Variants in SORCS1 observed in about 807,000 individuals in gnomAD.
SORCS1 encodes sortilin related VPS10 domain containing receptor 1.
In SORCS1, 60 loss-of-function variants were observed where a neutral mutation model predicts 146.1. The observed-to-expected ratio is 0.41, with a 90% CI of 0.33 to 0.51. SORCS1 has a LOEUF of 0.51. Among genes scored for constraint, SORCS1 ranks in the 20% least tolerant of loss-of-function variants. The pLI, the probability that SORCS1 is intolerant of heterozygous loss-of-function variation, is 0.21. For missense variants in SORCS1, 1,352 were observed against 1,487.6 expected (o/e 0.91, Z 1.50); for synonymous variants, 637 against 584.0 (o/e 1.09, Z -1.31).
intron 1 of SORCS1, among the ~76,000 whole-genome samples, chr10:107,054,966 T>C (rs1960464098): frequency 6.6e-6 from 1 of 152,134 alleles, no homozygotes; most frequent in African/African-American, 2.4e-5. Context: ...TATTAGAACT[T>C]AGAAGAGCCC....
chr10:106,623,125 T>A (rs1460918478), intron 19 of SORCS1, among the ~76,000 whole-genome samples: 1 of 152,194 alleles, frequency 6.6e-6, no homozygotes, highest in Non-Finnish European at 1.5e-5. Flanking sequence ...TCTGTGACAT[T>A]CTTCCTGAGT....
Position 106,579,128 on chromosome 10 carries a change from G to A in SORCS1, c.3371+241C>T, listed in dbSNP as rs904792464. 4.3e-6 allele frequency: 7 copies of A among 1,613,932 alleles called. No homozygotes were observed. In the African/African-American group the frequency reaches 8.0e-5, roughly 18 times the overall value. On this transcript the variant is annotated intron_variant, in intron 25 of 25. Coordinates refer to ENST00000263054, the MANE Select transcript of SORCS1 (RefSeq NM_052918.5). ...ATTCCACCTTCTCATCTATAAGCTG[G>A]CCAGGCCTCCTTAGTTCAGTCTGAG... is the stretch of plus-strand genomic sequence containing the variant.
chr10:107,108,930 G>C (rs1965492229), intron 1 of SORCS1, among the ~76,000 whole-genome samples: 1 of 152,222 alleles, frequency 6.6e-6, no homozygotes. Context: ...ATGCAAGTTT[G>C]AAACCAGCAA....
At chr10:106,589,475 G>A (rs376084390) in intron 24 of SORCS1, among the ~76,000 whole-genome samples, 20 of 152,094 alleles carry the variant, frequency 1.3e-4, no homozygotes, top group African/African-American at 4.3e-4. Flanking sequence ...GATTTAAATC[G>A]GCAATTAAGG....
chr10:106,781,212 T>C (rs1315102190), intron 3 of SORCS1, among the ~76,000 whole-genome samples: 2 of 152,196 alleles, frequency 1.3e-5, no homozygotes, highest in East Asian at 3.8e-4. Flanking sequence ...TATGCTGTTC[T>C]TGGAATTCCA....
chr10:106,614,429 A>G (rs1847217163), intron 21 of SORCS1, among the ~76,000 whole-genome samples: 1 of 152,206 alleles, frequency 6.6e-6, no homozygotes, highest in Non-Finnish European at 1.5e-5. Flanking sequence ...TTTTCGTGGC[A>G]GTTAATATAT....
intron 2 of SORCS1, among the ~76,000 whole-genome samples, chr10:106,843,744 T>C (rs1161087000): frequency 1.3e-5 from 2 of 152,196 alleles, no homozygotes; most frequent in East Asian, 3.8e-4. Flanking sequence ...CAAGATTTCC[T>C]TTTTCTAAGG....
At chr10:106,723,556 T>C (rs1022963869) in intron 6 of SORCS1, among the ~76,000 whole-genome samples, 11 of 152,340 alleles carry the variant, frequency 7.2e-5, no homozygotes, top group Admixed American at 4.6e-4. Context: ...CCGTGATTGA[T>C]TGTAGTTGAG....
At chr10:106,883,977 TA>T (rs1214616705) in intron 2 of SORCS1, among the ~76,000 whole-genome samples, 6 of 152,326 alleles carry the variant, frequency 3.9e-5, no homozygotes, top group Non-Finnish European at 7.4e-5. Context: ...AATAGATTGT[TA>T]TTTTTTTTGC....
At chr10:107,040,342 C>A (rs1033013954) in intron 1 of SORCS1, among the ~76,000 whole-genome samples, 1 of 152,112 alleles carries the variant, frequency 6.6e-6, no homozygotes, top group Non-Finnish European at 1.5e-5. Flanking sequence ...CCTTTATTGA[C>A]TTTGGGTTGC....
At chr10:107,157,693 C>A (rs1969398508) in intron 1 of SORCS1, among the ~76,000 whole-genome samples, 1 of 152,146 alleles carries the variant, frequency 6.6e-6, no homozygotes, top group African/African-American at 2.4e-5. Context: ...AGGATAAGCT[C>A]TGTTCTTTCA....
intron 23 of SORCS1, among the ~76,000 whole-genome samples, chr10:106,604,142 A>G (rs1224994507): frequency 1.3e-5 from 2 of 152,200 alleles, no homozygotes; most frequent in Non-Finnish European, 2.9e-5. Context: ...AACTTCCCAT[A>G]TGGTAGCCAG....
intron 13 of SORCS1, among the ~76,000 whole-genome samples, chr10:106,676,585 A>C (rs942897967): frequency 3.9e-5 from 6 of 152,060 alleles, no homozygotes; most frequent in Non-Finnish European, 8.8e-5. Flanking sequence ...GTATTATCAC[A>C]TTTGCAAAGT....
chr10:106,642,481 C>T (rs939905971), intron 18 of SORCS1, among the ~76,000 whole-genome samples: 2 of 152,100 alleles, frequency 1.3e-5, no homozygotes, highest in African/African-American at 4.8e-5. Flanking sequence ...AAGACTCAGG[C>T]ACTATTTTCA....
chr10:106,686,312 T>A (rs2135611053), intron 10 of SORCS1, among the ~76,000 whole-genome samples: 1 of 152,282 alleles, frequency 6.6e-6, no homozygotes, highest in South Asian at 2.1e-4. Flanking sequence ...GACACTGCGT[T>A]GGGGGTGAAG....
At chr10:106,878,131 T>G (rs2137672471) in intron 2 of SORCS1, among the ~76,000 whole-genome samples, 1 of 151,256 alleles carries the variant, frequency 6.6e-6, no homozygotes, top group African/African-American at 2.4e-5. Flanking sequence ...GGCAAGGTAG[T>G]AAATTTTTAT....
At chr10:106,721,134 T>C (rs932472197) in intron 6 of SORCS1, among the ~76,000 whole-genome samples, 1 of 151,958 alleles carries the variant, frequency 6.6e-6, no homozygotes, top group Non-Finnish European at 1.5e-5. Context: ...TGATGCTTTA[T>C]TTGGGGATAG....
chr10:107,121,511 G>C (rs1223294370), intron 1 of SORCS1, among the ~76,000 whole-genome samples: 1 of 152,138 alleles, frequency 6.6e-6, no homozygotes, highest in Non-Finnish European at 1.5e-5. Flanking sequence ...AACAAAGAAG[G>C]CTAGATGATG....
At chr10:106,825,427 A>G in intron 3 of SORCS1, among the ~76,000 whole-genome samples, 1 of 151,792 alleles carries the variant, frequency 6.6e-6, no homozygotes, top group East Asian at 1.9e-4. Context: ...ACCCGCCACC[A>G]CGCCTGGCTA....
Sources: gnomAD v4.1 joint callset for allele counts (sites outside exome capture counted in the v4.1 genomes callset) on GRCh38, gnomAD v4.1.1 for gene constraint, MANE v1.5 for transcripts, NCBI Gene and HGNC (gene_info 2026-07-23, HGNC 2026-07-21) for gene names.